PRELID2: variants seen among roughly 807,000 people sequenced by gnomAD.
The protein encoded by PRELID2 is PRELI domain-containing protein 2.
A neutral mutation model predicts 28.4 loss-of-function variants in PRELID2; 25 were observed. The ratio of observed to expected loss-of-function variants is 0.88; its 90% confidence interval spans 0.64 to 1.23. The LOEUF (loss-of-function observed/expected upper bound fraction) is 1.23, where lower values mean the gene tolerates loss of function less well. Among genes scored for constraint, PRELID2 ranks in the 50% most tolerant of loss-of-function variants. PRELID2 has a pLI of 0.00. For missense variants in PRELID2, 201 were observed against 214.4 expected, an observed-to-expected ratio of 0.94 and a Z score of 0.39; for synonymous variants, 76 against 71.6, an observed-to-expected ratio of 1.06 and a Z score of -0.31.
chr5:145,381,788 C>T, the PRELID2 span: 1 of 152,074 alleles, frequency 6.6e-6, no homozygotes, highest in African/African-American at 2.4e-5. Context: ...AATCAACCTT[C>T]TATAACAAAA....
chr5:145,299,827 G>A, the PRELID2 span, among the ~76,000 whole-genome samples: 1 of 151,878 alleles, frequency 6.6e-6, no homozygotes, highest in Admixed American at 6.6e-5. Flanking sequence ...TTAACTAACT[G>A]GAATCCTTCT....
At chr5:145,656,660 C>A (rs1029413412) in intron 1 of PRELID2, among the ~76,000 whole-genome samples, 3 of 150,498 alleles carry the variant, frequency 2.0e-5, no homozygotes, top group African/African-American at 4.9e-5. Flanking sequence ...GGACAAAAAA[C>A]CAAACACCGC....
At chr5:145,731,183 T>C (rs531178898) in intron 1 of PRELID2, among the ~76,000 whole-genome samples, 1 of 152,356 alleles carries the variant, frequency 6.6e-6, no homozygotes, top group South Asian at 2.1e-4. Context: ...ATATTTGCAT[T>C]TCACAGGGGA....
At chr5:145,468,197 G>C (rs1752020753), downstream of PRELID2, among the ~76,000 whole-genome samples, 1 of 152,110 alleles carries the variant, frequency 6.6e-6, no homozygotes, top group Non-Finnish European at 1.5e-5. Context: ...ATAGTTTGCT[G>C]AGAATGGTGG....
At chr5:145,357,286 T>TCCTGG in the PRELID2 span, among the ~76,000 whole-genome samples, 2 of 152,228 alleles carry the variant, frequency 1.3e-5, no homozygotes, top group East Asian at 3.8e-4. Flanking sequence ...TTGTCCTCTC[T>TCCTGG]AGTGAGGTTA....
chr5:145,696,283 G>A (rs935971242), intron 1 of PRELID2, among the ~76,000 whole-genome samples: 4 of 150,228 alleles, frequency 2.7e-5, no homozygotes, highest in Non-Finnish European at 5.9e-5. Context: ...TCCTGAGACA[G>A]GCACTGCTTG....
intron 1 of PRELID2, among the ~76,000 whole-genome samples, chr5:145,664,169 A>G (rs975020975): frequency 2.0e-5 from 3 of 152,158 alleles, no homozygotes; most frequent in African/African-American, 7.2e-5. Context: ...GGTACATGGT[A>G]ATTCTTTTTA....
At chr5:145,800,221 C>T (rs954333538) in intron 4 of PRELID2, among the ~76,000 whole-genome samples, 1 of 151,588 alleles carries the variant, frequency 6.6e-6, no homozygotes. Flanking sequence ...GTAGCCTCTA[C>T]ATTTAGATCA....
chr5:145,523,614 G>T (rs929512272), intron 1 of PRELID2, among the ~76,000 whole-genome samples: 2 of 152,056 alleles, frequency 1.3e-5, no homozygotes, highest in Admixed American at 6.6e-5. Context: ...CTGTGCAGGG[G>T]TTGGGTTGGG....
chr5:145,629,825 C>A (rs1013305603), intron 1 of PRELID2, among the ~76,000 whole-genome samples: 1 of 147,454 alleles, frequency 6.8e-6, no homozygotes, highest in Non-Finnish European at 1.5e-5. Context: ...TTTTAAAATT[C>A]TTGCAATAAA....
intron 1 of PRELID2, among the ~76,000 whole-genome samples, chr5:145,829,919 G>A (rs1484812051): frequency 6.6e-6 from 1 of 152,152 alleles, no homozygotes; most frequent in Non-Finnish European, 1.5e-5. Context: ...GAGCTTAAGA[G>A]TAAACATTCA....
chr5:145,236,674 T>C, the PRELID2 span, among the ~76,000 whole-genome samples: 29 of 152,128 alleles, frequency 1.9e-4, no homozygotes, highest in South Asian at 4.1e-4. Context: ...TACTTCCTTT[T>C]TTCTCTTCAG....
the PRELID2 span, among the ~76,000 whole-genome samples, chr5:145,247,496 C>G: frequency 4.1e-4 from 62 of 152,108 alleles, no homozygotes; most frequent in African/African-American, 1.4e-3. Context: ...CCTCTTTGAA[C>G]CATCTTCTGA....
intron 1 of PRELID2, among the ~76,000 whole-genome samples, chr5:145,640,401 G>A (rs1261515157): frequency 5.6e-4 from 84 of 151,316 alleles, no homozygotes; most frequent in Middle Eastern, 3.4e-3. Context: ...GCGTGAACCC[G>A]GGAGGCGGAG....
chr5:145,235,358 A>C, the PRELID2 span, among the ~76,000 whole-genome samples: 1 of 152,106 alleles, frequency 6.6e-6, no homozygotes, highest in South Asian at 2.1e-4. Flanking sequence ...GCTGTCACTC[A>C]AAATGGTGTA....
At chr5:145,354,250 A>G in the PRELID2 span, among the ~76,000 whole-genome samples, 1 of 151,880 alleles carries the variant, frequency 6.6e-6, no homozygotes, top group Non-Finnish European at 1.5e-5. Flanking sequence ...CAGGCCTCTT[A>G]ACCAAGATTC....
At chr5:145,690,238 C>A (rs997126386) in intron 1 of PRELID2, among the ~76,000 whole-genome samples, 7 of 152,100 alleles carry the variant, frequency 4.6e-5, no homozygotes, top group Non-Finnish European at 1.0e-4. Flanking sequence ...AGTGATCCAC[C>A]CACCTTGGCT....
chr5:145,454,109 C>T, the PRELID2 span, among the ~76,000 whole-genome samples: 4 of 152,164 alleles, frequency 2.6e-5, no homozygotes, highest in African/African-American at 9.7e-5. Context: ...TATTTCTCCA[C>T]ATCCTCTCCA....
At position 145,835,236 on chromosome 5, in the gene PRELID2, C is replaced by G. The variant is rs1422827550; in HGVS notation, c.16G>C (p.Asp6His). The G allele has an allele frequency of 3.2e-6, 5 of 1,549,680 alleles. No individual in the cohort carries two copies. The African/African-American group carries it at 5.5e-5, about 17-fold the overall frequency. ...GGGTACTTGTACACCTGGTGCACAT[C>G]CACCGAGACCCCCATCCCCGCGCGC... is the stretch of plus-strand genomic sequence containing the variant. Reference protein sequence around the residue: MGVSVDVHQVYKYPFE... With the variant: MGVSVHVHQVYKYPFE... The change falls in exon 1 of 7, where the codon GAT (aspartate) becomes CAT (histidine). Residue 6 changes from aspartate to histidine, a missense_variant. Coordinates refer to ENST00000683046, the MANE Select transcript of PRELID2 (RefSeq NM_205846.3).
Sources: gnomAD v4.1 joint callset for allele counts (sites outside exome capture counted in the v4.1 genomes callset) on GRCh38, gnomAD v4.1.1 for gene constraint, MANE v1.5 for transcripts, NCBI Gene and HGNC (gene_info 2026-07-23, HGNC 2026-07-21) for gene names.